Variants in RYR3 observed in about 807,000 individuals in gnomAD.
The protein encoded by RYR3 is ryanodine receptor 3.
Under a neutral mutation model 584.3 loss-of-function variants are expected in RYR3, and 207 were observed. The observed-to-expected ratio is 0.35, with a 90% CI of 0.32 to 0.40. The LOEUF is 0.40. Ranked by LOEUF, RYR3 falls within the 10% of genes least tolerant of loss-of-function variation. The pLI is 1.00. For synonymous variants in RYR3, 2,416 were observed against 2,248.5 expected (o/e 1.07, Z -2.11); for missense variants, 5,616 against 6,089.2 (o/e 0.92, Z 2.59).
intron 1 of RYR3, among the ~76,000 whole-genome samples, chr15:33,334,522 A>G (rs1322912452): frequency 6.6e-6 from 1 of 152,212 alleles, no homozygotes; most frequent in Non-Finnish European, 1.5e-5. Flanking sequence ...ACCTTATACA[A>G]AAATTAACTC....
intron 93 of RYR3, 42 bp downstream of exon 93, chr15:33,845,104 GA>G (rs2078633090): frequency 6.2e-6 from 10 of 1,600,834 alleles, no homozygotes; most frequent in Non-Finnish European, 8.5e-6. Context: ...ACTCCTTGAG[GA>G]AGAAATGTCC....
chr15:33,367,696 C>T (rs1252202362), intron 1 of RYR3, among the ~76,000 whole-genome samples: 5 of 152,124 alleles, frequency 3.3e-5, no homozygotes, highest in Non-Finnish European at 5.9e-5. Context: ...ACAAAACAGC[C>T]AGACCCATTT....
intron 4 of RYR3, 131 bp from the exon 5 acceptor site, chr15:33,533,180 C>T (rs1037712518): frequency 5.4e-5 from 33 of 609,844 alleles, no homozygotes; most frequent in Non-Finnish European, 8.8e-5. Context: ...ATTAACTTTC[C>T]AATGAACAAG....
rs2078628432 is a variant in RYR3 at position 33,845,067 on chromosome 15, G to A, written c.13497+5G>A. The A allele has an allele frequency of 6.2e-7, 1 of 1,613,630 alleles. No individual in the cohort carries two copies. The highest frequency in any genetic ancestry group is 8.5e-7 in the Non-Finnish European group (1 of 1,179,724). ...GTGGGCTACTACTGCCTGAAGGTGA[G>A]CTGTTTGCCACTCTGGATCTAATCT... On this transcript the variant is annotated splice_donor_5th_base_variant and intron_variant, in intron 93 of 103. Transcript: ENST00000634891.
Position 33,580,156 on chromosome 15 carries a change from A to C in RYR3, c.1437+12A>C. Reference sequence around the variant, plus strand: ...TTTTCAAGGAAGAGGTAAGTCGAAAAATGAAAAGTTGAAATTCACTTAGTG... The same window carrying C: ...TTTTCAAGGAAGAGGTAAGTCGAAACATGAAAAGTTGAAATTCACTTAGTG... On this transcript the variant is annotated intron_variant, in intron 13 of 103. Transcript: ENST00000634891. The C allele has an allele frequency of 6.3e-7, 1 of 1,580,848 alleles. No individual in the cohort carries two copies. The highest frequency in any genetic ancestry group is 1.2e-5 in the South Asian group (1 of 86,698).
intron 1 of RYR3, among the ~76,000 whole-genome samples, chr15:33,421,038 C>G (rs767124546): frequency 6.6e-6 from 1 of 151,948 alleles, no homozygotes; most frequent in Non-Finnish European, 1.5e-5. Context: ...AATGGGTTAT[C>G]CAGGCCAAAA....
chr15:33,510,993 T>C (rs555790804), intron 3 of RYR3, among the ~76,000 whole-genome samples: 30 of 152,208 alleles, frequency 2.0e-4, no homozygotes, highest in Non-Finnish European at 3.8e-4. Flanking sequence ...AAATATGCCA[T>C]CAGGAAGACC....
chr15:33,764,727 T>C (rs1202307499), intron 60 of RYR3, among the ~76,000 whole-genome samples: 2 of 152,116 alleles, frequency 1.3e-5, no homozygotes, highest in East Asian at 3.9e-4. Flanking sequence ...TCTATAAGAT[T>C]AAAACTTATA....
intron 39 of RYR3, among the ~76,000 whole-genome samples, chr15:33,697,443 A>G (rs756287664): frequency 1.3e-5 from 2 of 152,340 alleles, no homozygotes; most frequent in East Asian, 1.9e-4. Context: ...GCAAGGGAGT[A>G]CACAGCAAAT....
intron 1 of RYR3, among the ~76,000 whole-genome samples, chr15:33,385,710 C>CTTTTTTTTTTTTTTTTTTTATTTTT (rs10682215): frequency 7.6e-6 from 1 of 131,402 alleles, no homozygotes; most frequent in Non-Finnish European, 1.5e-5. Context: ...TTTTTCTTTT[C>CTTTTTTTTTTTTTTTTTTTATTTTT]TTTTTTTTTT....
intron 67 of RYR3, among the ~76,000 whole-genome samples, chr15:33,792,836 T>A (rs929485420): frequency 6.6e-6 from 1 of 152,196 alleles, no homozygotes; most frequent in African/African-American, 2.4e-5. Context: ...TAACCAAATA[T>A]GTGTCAGTTG....
chr15:33,342,609 CTTGT>C (rs68151780), intron 1 of RYR3, among the ~76,000 whole-genome samples: 41,036 of 150,284 alleles, frequency 0.27, 6,338 homozygotes, highest in East Asian at 0.39. Flanking sequence ...AATAATCAAT[CTTGT>C]TTGTTATAAT....
intron 63 of RYR3, 148 bp downstream of exon 63, chr15:33,772,306 A>G: frequency 1.7e-6 from 1 of 584,760 alleles, no homozygotes; most frequent in Non-Finnish European, 3.0e-6. Context: ...AAAGAAGAAG[A>G]AGAAGAAGAA....
intron 40 of RYR3, among the ~76,000 whole-genome samples, chr15:33,698,397 G>T (rs977846616): frequency 6.6e-6 from 1 of 152,190 alleles, no homozygotes; most frequent in African/African-American, 2.4e-5. Context: ...CCCCAGAAGT[G>T]TTGATGTTTC....
chr15:33,702,701 A>G (rs1015760889), intron 42 of RYR3, among the ~76,000 whole-genome samples: 2 of 152,086 alleles, frequency 1.3e-5, no homozygotes, highest in South Asian at 2.1e-4. Context: ...CTGGGGGTAC[A>G]TGAGGTGACT....
rs183988615 is a variant in RYR3 at position 33,567,029 on chromosome 15, G to T, written c.1268+230G>T. Among the ~76,000 whole-genome samples the T allele has an allele frequency of 5.5e-4, 83 of 152,272 alleles. 1 individual carries two copies. Among genetic ancestry groups the T allele is most frequent in the Admixed American group, 1.4e-3 (21 of 15,302 alleles). ...CCAAGCCCCATTAGTTACTCAGATTGGAGTGATGAATATCCAAGATCTTTG... is the reference window on the plus strand; with the variant it reads ...CCAAGCCCCATTAGTTACTCAGATTTGAGTGATGAATATCCAAGATCTTTG... On this transcript the variant is annotated intron_variant, in intron 12 of 103. Transcript: ENST00000634891.
chr15:33,623,584 C>T (rs185802277), intron 19 of RYR3, among the ~76,000 whole-genome samples: 1 of 152,174 alleles, frequency 6.6e-6, no homozygotes, highest in African/African-American at 2.4e-5. Flanking sequence ...TGTTTAGGAA[C>T]TTAGCCGTGA....
chr15:33,622,714 T>C (rs1282055620), intron 19 of RYR3, among the ~76,000 whole-genome samples: 1 of 152,196 alleles, frequency 6.6e-6, no homozygotes, highest in Non-Finnish European at 1.5e-5. Context: ...TTTCCAGTGT[T>C]CAATTACTGT....
At chr15:33,520,668 G>A (rs1157298379) in intron 3 of RYR3, among the ~76,000 whole-genome samples, 6 of 151,756 alleles carry the variant, frequency 4.0e-5, no homozygotes, top group African/African-American at 1.2e-4. Flanking sequence ...TCATTAATAC[G>A]CTGACAAATA....
Sources: allele counts gnomAD v4.1 joint callset (sites outside exome capture counted in the v4.1 genomes callset), GRCh38; gene constraint gnomAD v4.1.1; transcripts MANE v1.5; gene names NCBI Gene and HGNC (gene_info 2026-07-23, HGNC 2026-07-21).